The following CYFIP1 variants were observed in gnomAD, a reference collection of about 807,000 sequenced individuals.
CYFIP1 encodes the protein cytoplasmic FMR1 interacting protein 1.
A neutral mutation model predicts 163.5 loss-of-function variants in CYFIP1; 58 were observed. That is an observed-to-expected ratio of 0.35 (90% confidence interval 0.29 to 0.44). The LOEUF (loss-of-function observed/expected upper bound fraction) is 0.44, where lower values mean the gene tolerates loss of function less well. CYFIP1 is among the 20% of genes least tolerant of loss of function. The pLI, the probability that CYFIP1 is intolerant of heterozygous loss-of-function variation, is 1.00. For synonymous variants in CYFIP1, 663 were observed against 660.7 expected, an observed-to-expected ratio of 1.00 and a Z score of -0.05; for missense variants, 1,338 against 1,653.8, an observed-to-expected ratio of 0.81 and a Z score of 3.31.
At chr15:22,961,449 G>A (rs572025312) in intron 1 of CYFIP1, among the ~76,000 whole-genome samples, 14 of 152,304 alleles carry the variant, frequency 9.2e-5, no homozygotes, top group African/African-American at 3.1e-4. Flanking sequence ...TGTGATAACA[G>A]CTTACTGCAG....
chr15:22,936,862 C>T (rs746195381), intron 9 of CYFIP1, among the ~76,000 whole-genome samples: 5 of 152,244 alleles, frequency 3.3e-5, no homozygotes, highest in Admixed American at 6.5e-5. Flanking sequence ...AGCAGCTGGA[C>T]GCAGAAGAGT....
At chr15:22,956,917 C>T (rs1446682454) in intron 1 of CYFIP1, among the ~76,000 whole-genome samples, 1 of 152,258 alleles carries the variant, frequency 6.6e-6, no homozygotes, top group Non-Finnish European at 1.5e-5. Context: ...GTATTTACTT[C>T]TCTTTCCACC....
chr15:22,883,405 G>A (rs760103461), intron 23 of CYFIP1, among the ~76,000 whole-genome samples: 3 of 152,192 alleles, frequency 2.0e-5, no homozygotes, highest in Non-Finnish European at 4.4e-5. Flanking sequence ...GGGCACCCCC[G>A]GAGCCGGGAG....
intron 13 of CYFIP1, among the ~76,000 whole-genome samples, chr15:22,922,205 T>C (rs1595608622): frequency 6.6e-6 from 1 of 152,278 alleles, no homozygotes; most frequent in East Asian, 1.9e-4. Flanking sequence ...GGCCTACTGC[T>C]GTACCAGTCT....
intron 3 of CYFIP1, chr15:22,946,762 G>T: frequency 4.6e-6 from 3 of 658,536 alleles, no homozygotes; most frequent in Non-Finnish European, 5.6e-6. Flanking sequence ...CAGGGCAGGT[G>T]CACCCTTGAA....
chr15:22,960,242 G>T (rs938732228), intron 1 of CYFIP1, among the ~76,000 whole-genome samples: 1 of 152,212 alleles, frequency 6.6e-6, no homozygotes, highest in Admixed American at 6.5e-5. Flanking sequence ...GGGTCCTGCT[G>T]TCAAGACACT....
intron 1 of CYFIP1, among the ~76,000 whole-genome samples, chr15:22,952,076 C>G (rs1243770834): frequency 6.6e-6 from 1 of 151,878 alleles, no homozygotes; most frequent in Non-Finnish European, 1.5e-5. Flanking sequence ...GAAATTCTGA[C>G]AAGTTACAAC....
chr15:22,950,573 G>A (rs2062214872), intron 1 of CYFIP1, among the ~76,000 whole-genome samples: 1 of 152,172 alleles, frequency 6.6e-6, no homozygotes, highest in African/African-American at 2.4e-5. Flanking sequence ...ATGACCAGAG[G>A]TCAACTGCAC....
At chr15:22,976,085 T>C (rs1228528325) in intron 1 of CYFIP1, among the ~76,000 whole-genome samples, 2 of 152,186 alleles carry the variant, frequency 1.3e-5, no homozygotes. Flanking sequence ...ACAGATCCTG[T>C]AAGTCTTATT....
At chr15:22,907,609 G>T (rs1032808596) in intron 21 of CYFIP1, among the ~76,000 whole-genome samples, 1 of 152,248 alleles carries the variant, frequency 6.6e-6, no homozygotes, top group African/African-American at 2.4e-5. Context: ...TGCTCCCACA[G>T]TGGAAACGGA....
intron 1 of CYFIP1, among the ~76,000 whole-genome samples, chr15:22,972,258 A>G (rs1323175521): frequency 6.6e-6 from 1 of 152,130 alleles, no homozygotes; most frequent in Non-Finnish European, 1.5e-5. Flanking sequence ...CAACATGGTG[A>G]AACACCGTCT....
chr15:22,962,269 G>C (rs113154035), intron 1 of CYFIP1, among the ~76,000 whole-genome samples: 2 of 151,434 alleles, frequency 1.3e-5, no homozygotes, highest in African/African-American at 2.5e-5. Context: ...AAAGACGTGC[G>C]AACTCACTGC....
chr15:22,915,510 G>A (rs1162346261), intron 16 of CYFIP1, among the ~76,000 whole-genome samples: 2 of 152,100 alleles, frequency 1.3e-5, no homozygotes, highest in Non-Finnish European at 2.9e-5. Context: ...TAGCACTTTG[G>A]GAGGCCGAGG....
chr15:22,929,048 A>C lies in CYFIP1; in HGVS notation c.1111-1020T>G, dbSNP rs912158983. The stretch of plus-strand genomic sequence containing the variant: ...AGCCTGGCCAACATAGTGAAACCCC[A>C]TCTCTACCAAAAATATAAAAAAGTA... On this transcript the variant is annotated intron_variant, in intron 11 of 30. Coordinates refer to ENST00000617928, the MANE Select transcript of CYFIP1 (RefSeq NM_014608.6). 1.3e-4 allele frequency among the ~76,000 whole-genome samples: 20 copies of C among 151,786 alleles called. No homozygotes were observed. The East Asian group carries it at 3.9e-3, about 30-fold the overall frequency.
chr15:22,911,801 G>T (rs2060796290), intron 18 of CYFIP1, among the ~76,000 whole-genome samples: 1 of 152,154 alleles, frequency 6.6e-6, no homozygotes. Flanking sequence ...TCCACCTGTG[G>T]GAATTTGTCC....
Position 22,925,948 on chromosome 15 carries a change from A to C in CYFIP1, c.1359+34T>G, listed in dbSNP as rs1201841610. The C allele has an allele frequency of 1.3e-5, 21 of 1,606,568 alleles. 1 individual carries two copies. The highest frequency in any genetic ancestry group is 1.7e-5 in the Non-Finnish European group (20 of 1,174,102). On this transcript the variant is annotated intron_variant, in intron 13 of 30. Transcript: ENST00000617928. ...GAGAAGATGGTGTGAAGCTAGAGCG[A>C]CATGAGGAAGAGCGAGCGGCCGAGC...
intron 3 of CYFIP1, chr15:22,946,656 C>T (rs2062070664): frequency 7.7e-6 from 3 of 388,942 alleles, no homozygotes; most frequent in South Asian, 4.2e-5. Flanking sequence ...AAAAGCAGAA[C>T]TATAATAACA....
Position 22,869,045 on chromosome 15 carries a change from T to A in CYFIP1, c.*983A>T, listed in dbSNP as rs1201407636. The A allele has an allele frequency of 6.6e-6, 1 of 152,204 alleles. No individual in the cohort carries two copies. Among genetic ancestry groups the A allele is most frequent in the Non-Finnish European group, 1.5e-5 (1 of 68,036 alleles). 9.4% of individuals were successfully genotyped at this position (152,204 alleles called of 1,614,324 possible). ...GGTAGTCTAGACCGATTGTTTTTCA[T>A]TCTGACAGATCATGTGAACCAGCTC... On this transcript the variant is annotated 3_prime_UTR_variant, in exon 31 of 31. Transcript: ENST00000617928.
intron 13 of CYFIP1, among the ~76,000 whole-genome samples, chr15:22,924,666 C>T (rs1456184588): frequency 6.6e-6 from 1 of 151,964 alleles, no homozygotes; most frequent in Non-Finnish European, 1.5e-5. Flanking sequence ...TGTGAATGTG[C>T]TGAAAGCATT....
Sources: allele counts gnomAD v4.1 joint callset (sites outside exome capture counted in the v4.1 genomes callset), GRCh38; gene constraint gnomAD v4.1.1; transcripts MANE v1.5; gene names NCBI Gene and HGNC (gene_info 2026-07-23, HGNC 2026-07-21).